LARGE1: variants seen among roughly 807,000 people sequenced by gnomAD.
The protein encoded by LARGE1 is xylosyl- and glucuronyltransferase LARGE1.
Under a neutral mutation model 87.6 loss-of-function variants are expected in LARGE1, and 43 were observed. That is an observed-to-expected ratio of 0.49 (90% CI 0.38 to 0.63). The LOEUF (loss-of-function observed/expected upper bound fraction) is 0.63. Among genes scored for constraint, LARGE1 ranks in the 30% least tolerant of loss-of-function variants. LARGE1 has a pLI of 0.00. For missense variants in LARGE1, 802 were observed against 1,000.2 expected (o/e 0.80, Z 2.67); for synonymous variants, 434 against 394.6 (o/e 1.10, Z -1.18).
At chr22:33,085,414 C>T in the LARGE1 span, among the ~76,000 whole-genome samples, 7 of 152,214 alleles carry the variant, frequency 4.6e-5, no homozygotes, top group African/African-American at 1.7e-4. Flanking sequence ...AAAACTGGCT[C>T]ATCATTTTAG....
At chr22:33,298,002 AGAT>A (rs1427680006) in intron 12 of LARGE1, among the ~76,000 whole-genome samples, 1 of 150,060 alleles carries the variant, frequency 6.7e-6, no homozygotes, top group Non-Finnish European at 1.5e-5. Flanking sequence ...AAAAAAAAAA[AGAT>A]GATGATTCTG....
At chr22:33,460,974 A>G (rs1434699716) in intron 6 of LARGE1, among the ~76,000 whole-genome samples, 1 of 151,974 alleles carries the variant, frequency 6.6e-6, no homozygotes, top group Admixed American at 6.6e-5. Context: ...TGGCAGAAGC[A>G]AATACAAATC....
At chr22:33,451,264 G>A (rs1300088203) in intron 6 of LARGE1, among the ~76,000 whole-genome samples, 4 of 152,030 alleles carry the variant, frequency 2.6e-5, no homozygotes, top group African/African-American at 9.7e-5. Context: ...GGTGGGCAGC[G>A]GTGGGAGAGA....
rs144417197 is a variant in LARGE1, at chr22:33,546,332, T to C, written c.787+18516A>G. On this transcript the variant is annotated intron_variant, in intron 6 of 14. Transcript: ENST00000397394. Reference sequence around the variant, plus strand: ...CTTTGGTCCATTCTGTGCCTTTTGTTTGGAATGGCCTATTTGTTCCCCTTT... The same window carrying C: ...CTTTGGTCCATTCTGTGCCTTTTGTCTGGAATGGCCTATTTGTTCCCCTTT... 6.0e-3 allele frequency among the ~76,000 whole-genome samples: 916 copies of C among 152,316 alleles called. 10 individuals carry two copies. The highest frequency in any genetic ancestry group is 0.021 in the African/African-American group (876 of 41,552).
At chr22:33,862,156 C>T (rs766316832) in intron 1 of LARGE1, among the ~76,000 whole-genome samples, 3 of 152,194 alleles carry the variant, frequency 2.0e-5, no homozygotes, top group Non-Finnish European at 4.4e-5. Context: ...CCACCGTGCC[C>T]GGCAGGAACC....
intron 6 of LARGE1, among the ~76,000 whole-genome samples, chr22:33,530,921 C>T (rs969888439): frequency 6.6e-6 from 1 of 152,194 alleles, no homozygotes; most frequent in South Asian, 2.1e-4. Context: ...AGAGTACACA[C>T]CAGAGACTCA....
In LARGE1 at chr22:33,315,821, G is replaced by A. The variant is rs557444595; in HGVS notation, c.1451+264C>T. Among the ~76,000 whole-genome samples, 8 of 152,146 alleles carry A rather than the reference G, an allele frequency of 5.3e-5. No individual in the cohort carries two copies. In the East Asian group the frequency reaches 5.8e-4, roughly 11 times the overall value. ...ATTTTCGTATTTTTAGTAGAGACGG[G>A]GTTTCACCATGTTGGCCAGGCTGGT... On this transcript the variant is annotated intron_variant, in intron 11 of 14. Coordinates refer to ENST00000397394, the MANE Select transcript of LARGE1 (RefSeq NM_133642.5).
the LARGE1 span, among the ~76,000 whole-genome samples, chr22:33,140,941 A>G: frequency 3.1e-4 from 47 of 152,260 alleles, no homozygotes; most frequent in African/African-American, 1.1e-3. Context: ...CTTGAAAAAA[A>G]TATTTCTTTA....
chr22:33,366,251 T>G (rs1251241469), intron 9 of LARGE1, among the ~76,000 whole-genome samples: 1 of 152,234 alleles, frequency 6.6e-6, no homozygotes, highest in Non-Finnish European at 1.5e-5. Flanking sequence ...TGCCTCTTCA[T>G]ATACCAAAAT....
the LARGE1 span, among the ~76,000 whole-genome samples, chr22:33,099,315 G>T: frequency 6.6e-6 from 1 of 152,076 alleles, no homozygotes. Flanking sequence ...GTGCAATGGC[G>T]TGATCTCAGC....
At chr22:33,221,288 C>T (rs1317734931) in intron 11 of LARGE1, among the ~76,000 whole-genome samples, 2 of 151,998 alleles carry the variant, frequency 1.3e-5, no homozygotes, top group African/African-American at 4.8e-5. Context: ...TTACAAACAT[C>T]GAGGGGAAAT....
chr22:33,217,651 G>A (rs1400368536), intron 11 of LARGE1, among the ~76,000 whole-genome samples: 1 of 152,148 alleles, frequency 6.6e-6, no homozygotes, highest in Non-Finnish European at 1.5e-5. Context: ...GGTTGCCTCT[G>A]GGAGGGAAAT....
At chr22:33,475,971 C>G (rs539379536) in intron 6 of LARGE1, among the ~76,000 whole-genome samples, 1 of 152,322 alleles carries the variant, frequency 6.6e-6, no homozygotes, top group Non-Finnish European at 1.5e-5. Flanking sequence ...CTGGGAACTG[C>G]TGGCAACTGC....
intron 12 of LARGE1, among the ~76,000 whole-genome samples, chr22:33,283,842 AAAAG>A (rs1224949465): frequency 2.0e-5 from 3 of 151,610 alleles, no homozygotes; most frequent in Admixed American, 6.6e-5. Flanking sequence ...GAAAGAAAAG[AAAAG>A]AAAGAAAAAG....
intron 6 of LARGE1, among the ~76,000 whole-genome samples, chr22:33,501,771 G>C (rs2070450469): frequency 6.6e-6 from 1 of 152,184 alleles, no homozygotes; most frequent in Non-Finnish European, 1.5e-5. Flanking sequence ...CAAAGCAAGT[G>C]ATTTTCAACG....
At chr22:33,442,056 A>G (rs2067498855) in intron 6 of LARGE1, among the ~76,000 whole-genome samples, 1 of 152,238 alleles carries the variant, frequency 6.6e-6, no homozygotes, top group African/African-American at 2.4e-5. Flanking sequence ...AGCAAACAGA[A>G]TCTGTGTCAC....
intron 6 of LARGE1, among the ~76,000 whole-genome samples, chr22:33,516,023 G>C (rs184622683): frequency 1.3e-5 from 2 of 152,336 alleles, no homozygotes; most frequent in East Asian, 3.9e-4. Context: ...TCACCAGCGT[G>C]AGAAGAGCAA....
intron 11 of LARGE1, among the ~76,000 whole-genome samples, chr22:33,200,447 T>A (rs1262995521): frequency 2.0e-5 from 3 of 152,078 alleles, no homozygotes; most frequent in African/African-American, 7.2e-5. Flanking sequence ...CCTCAGAAAG[T>A]TCAGCAGGGA....
At chr22:33,339,505 A>T (rs1938908907) in intron 9 of LARGE1, among the ~76,000 whole-genome samples, 1 of 152,136 alleles carries the variant, frequency 6.6e-6, no homozygotes, top group Non-Finnish European at 1.5e-5. Flanking sequence ...GGTTTCAGAA[A>T]GATCACTCTA....
Sources: gnomAD v4.1 joint callset for allele counts (sites outside exome capture counted in the v4.1 genomes callset) on GRCh38, gnomAD v4.1.1 for gene constraint, MANE v1.5 for transcripts, NCBI Gene and HGNC (gene_info 2026-07-23, HGNC 2026-07-21) for gene names.